The following NFIB variants were observed in gnomAD, a reference collection of about 807,000 sequenced individuals.
The protein encoded by NFIB is nuclear factor 1 B-type.
A neutral mutation model predicts 61.5 loss-of-function variants in NFIB; 11 were observed. The ratio of observed to expected loss-of-function variants is 0.18; its 90% CI spans 0.11 to 0.30. The LOEUF is 0.30. Ranked by LOEUF, NFIB falls within the 10% of genes least tolerant of loss-of-function variation. NFIB has a pLI of 1.00. For missense variants in NFIB, 471 were observed against 608.9 expected, an observed-to-expected ratio of 0.77 and a Z score of 2.38; for synonymous variants, 260 against 216.5, an observed-to-expected ratio of 1.20 and a Z score of -1.76.
intron 10 of NFIB, among the ~76,000 whole-genome samples, chr9:14,091,067 G>T (rs1003994283): frequency 6.6e-6 from 1 of 151,902 alleles, no homozygotes; most frequent in Non-Finnish European, 1.5e-5. Flanking sequence ...CCTACATTAT[G>T]ACCATATCAA....
intron 2 of NFIB, among the ~76,000 whole-genome samples, chr9:14,182,641 G>A (rs2046901360): frequency 7.3e-6 from 1 of 136,474 alleles, no homozygotes; most frequent in South Asian, 2.4e-4. Context: ...ATACCCAAAG[G>A]TTTTATTTAA....
chr9:14,146,649 T>C (rs987438864), intron 6 of NFIB, 40 bp downstream of exon 6: 4 of 1,612,180 alleles, frequency 2.5e-6, no homozygotes, highest in Non-Finnish European at 3.4e-6. Context: ...CGAGCCAACA[T>C]TTTACTCATG....
At chr9:14,247,734 C>G (rs2055094909) in intron 2 of NFIB, among the ~76,000 whole-genome samples, 1 of 152,138 alleles carries the variant, frequency 6.6e-6, no homozygotes, top group African/African-American at 2.4e-5. Flanking sequence ...AAGTACATGG[C>G]CCACTGCTTG....
At chr9:14,264,783 C>T (rs1197714463) in intron 2 of NFIB, among the ~76,000 whole-genome samples, 1 of 152,072 alleles carries the variant, frequency 6.6e-6, no homozygotes, top group African/African-American at 2.4e-5. Flanking sequence ...ACGTTAAAGC[C>T]AATAAGGAAC....
chr9:14,374,078 C>G (rs1327838137), intron 1 of NFIB, among the ~76,000 whole-genome samples: 1 of 152,164 alleles, frequency 6.6e-6, no homozygotes, highest in Non-Finnish European at 1.5e-5. Context: ...CTTCGAATGT[C>G]AGGGTTTTGA....
chr9:14,178,686 T>G (rs867956300), intron 3 of NFIB, among the ~76,000 whole-genome samples: 2 of 152,186 alleles, frequency 1.3e-5, no homozygotes, highest in African/African-American at 4.8e-5. Context: ...TACTTGTATA[T>G]CTACTTGCTG....
intron 1 of NFIB, among the ~76,000 whole-genome samples, chr9:14,342,322 G>A (rs72700529): frequency 0.018 from 2,683 of 152,246 alleles, 29 homozygotes; most frequent in Middle Eastern, 0.034. Flanking sequence ...TGGGACTCAA[G>A]GAGCAACAAA....
At chr9:14,145,729 C>T (rs2042209657) in intron 6 of NFIB, among the ~76,000 whole-genome samples, 1 of 150,886 alleles carries the variant, frequency 6.6e-6, no homozygotes, top group Non-Finnish European at 1.5e-5. Flanking sequence ...CAGCTTACTC[C>T]ATCCTCTGCT....
At position 14,113,044 on chromosome 9, in the gene NFIB, A is replaced by C. The variant is rs2037615008; in HGVS notation, c.1422T>G (p.Tyr474Ter). ...TASGTSQANR[Y>*]VGLSPRDPSF... ...ATGGGTCTCTTGGGCTTAGTCCCAC[A>C]TATCGATTGGCTTGAGATGTGCCTG... The change falls in exon 10 of 11, where the codon TAT becomes TAG. Residue 474 changes from tyrosine to a stop codon, truncating the protein, a stop_gained. Coordinates refer to ENST00000380953, the MANE Select transcript of NFIB (RefSeq NM_001190737.2). LOFTEE classifies it high-confidence loss of function. The C allele has an allele frequency of 1.3e-6, 2 of 1,550,262 alleles. No homozygotes were observed. The highest frequency in any genetic ancestry group is 2.7e-5 in the African/African-American group (2 of 73,022).
the NFIB span, among the ~76,000 whole-genome samples, chr9:14,456,017 G>A: frequency 5.3e-5 from 8 of 152,220 alleles, no homozygotes; most frequent in South Asian, 6.2e-4. Context: ...ATTTGGATTG[G>A]CATCTGCAAA....
chr9:14,312,795 G>C (rs2060344519), intron 1 of NFIB, among the ~76,000 whole-genome samples: 1 of 152,122 alleles, frequency 6.6e-6, no homozygotes, highest in Non-Finnish European at 1.5e-5. Flanking sequence ...TTCCACAAAA[G>C]GAACACGTTC....
intron 2 of NFIB, among the ~76,000 whole-genome samples, chr9:14,216,479 G>A (rs1311904431): frequency 6.8e-6 from 1 of 146,910 alleles, no homozygotes; most frequent in Non-Finnish European, 1.5e-5. Flanking sequence ...TAAGAAGGAA[G>A]GTTCTCCATT....
the NFIB span, among the ~76,000 whole-genome samples, chr9:14,429,850 C>A: frequency 1.3e-5 from 2 of 152,126 alleles, no homozygotes; most frequent in African/African-American, 4.8e-5. Context: ...AAATTATTTT[C>A]TATGCATTGG....
intron 2 of NFIB, among the ~76,000 whole-genome samples, chr9:14,241,611 A>C (rs981937422): frequency 1.3e-5 from 2 of 151,994 alleles, no homozygotes; most frequent in African/African-American, 4.8e-5. Flanking sequence ...TTCCCTCCCC[A>C]CCTTTCTTCA....
the NFIB span, among the ~76,000 whole-genome samples, chr9:14,480,170 T>C: frequency 2.0e-5 from 3 of 152,000 alleles, no homozygotes; most frequent in African/African-American, 4.8e-5. Context: ...TTATTTCATC[T>C]CCCCATAATT....
chr9:14,280,355 A>G (rs2058288159), intron 2 of NFIB, among the ~76,000 whole-genome samples: 1 of 152,172 alleles, frequency 6.6e-6, no homozygotes, highest in Non-Finnish European at 1.5e-5. Flanking sequence ...AAATACGCAC[A>G]CACACACACA....
intron 2 of NFIB, among the ~76,000 whole-genome samples, chr9:14,304,466 A>G (rs2059916688): frequency 6.6e-6 from 1 of 152,232 alleles, no homozygotes; most frequent in Non-Finnish European, 1.5e-5. Context: ...CAACTAACAA[A>G]TCACAGGCAT....
chr9:14,189,532 A>T (rs2131541069), intron 2 of NFIB, among the ~76,000 whole-genome samples: 1 of 152,076 alleles, frequency 6.6e-6, no homozygotes, highest in South Asian at 2.1e-4. Flanking sequence ...ATTTTTGTGG[A>T]AAAAGGCTAT....
intron 6 of NFIB, among the ~76,000 whole-genome samples, chr9:14,135,545 A>G (rs74416035): frequency 6.6e-6 from 1 of 152,310 alleles, no homozygotes; most frequent in East Asian, 1.9e-4. Flanking sequence ...CTTCCCACAC[A>G]CTCCAAGTTA....
Sources: allele counts gnomAD v4.1 joint callset (sites outside exome capture counted in the v4.1 genomes callset), GRCh38; gene constraint gnomAD v4.1.1; transcripts MANE v1.5; gene names NCBI Gene and HGNC (gene_info 2026-07-23, HGNC 2026-07-21).